BRINP3: variants seen among roughly 807,000 people sequenced by gnomAD.
BRINP3 encodes BMP/retinoic acid-inducible neural-specific protein 3.
Under a neutral mutation model 71.0 loss-of-function variants are expected in BRINP3, and 19 were observed. The ratio of observed to expected loss-of-function variants is 0.27; its 90% CI spans 0.19 to 0.39. The LOEUF is 0.39. Ranked by LOEUF, BRINP3 falls within the 10% of genes least tolerant of loss-of-function variation. BRINP3 has a pLI of 1.00. For missense variants in BRINP3, 959 were observed against 940.8 expected, an observed-to-expected ratio of 1.02 and a Z score of -0.25; for synonymous variants, 380 against 337.7, an observed-to-expected ratio of 1.13 and a Z score of -1.37.
intron 2 of BRINP3, among the ~76,000 whole-genome samples, chr1:190,397,190 T>C (rs191560021): frequency 2.0e-5 from 3 of 152,072 alleles, no homozygotes; most frequent in African/African-American, 7.2e-5. Context: ...CTTACCTACT[T>C]AGCAAGTGGG....
In BRINP3 at chr1:190,231,000, G is replaced by A. The variant is rs1224471002; in HGVS notation, c.724+3372C>T. 4.0e-5 allele frequency among the ~76,000 whole-genome samples: 6 copies of A among 151,438 alleles called. No individual in the cohort carries two copies. In the South Asian group the frequency reaches 1.2e-3, roughly 31 times the overall value. ...AATATTAATTATCATATAGTATAATGTATGGTATATATGATTTCTTGATAC... is the reference window on the plus strand; with the variant it reads ...AATATTAATTATCATATAGTATAATATATGGTATATATGATTTCTTGATAC... On this transcript the variant is annotated intron_variant, in intron 5 of 7. Coordinates refer to ENST00000367462, the MANE Select transcript of BRINP3 (RefSeq NM_199051.3).
At chr1:190,217,348 CAA>C (rs796107657) in intron 6 of BRINP3, among the ~76,000 whole-genome samples, 1 of 145,106 alleles carries the variant, frequency 6.9e-6, no homozygotes. Flanking sequence ...TGTTATGAGG[CAA>C]AAAAAAAATG....
intron 2 of BRINP3, among the ~76,000 whole-genome samples, chr1:190,356,618 T>G (rs1319607419): frequency 6.6e-6 from 1 of 152,004 alleles, no homozygotes; most frequent in Admixed American, 6.6e-5. Context: ...GGTTCAGACC[T>G]CCTGCCTCTC....
At chr1:190,193,755 C>A (rs1182294254) in intron 6 of BRINP3, among the ~76,000 whole-genome samples, 3 of 152,060 alleles carry the variant, frequency 2.0e-5, no homozygotes, top group Non-Finnish European at 4.4e-5. Context: ...CTTTGAGATG[C>A]AAATCTACTC....
chr1:190,157,300 CT>C (rs149856443), intron 7 of BRINP3, among the ~76,000 whole-genome samples: 1,609 of 152,052 alleles, frequency 0.011, 25 homozygotes, highest in African/African-American at 0.036. Context: ...GTGTGAAAAT[CT>C]TTTTGATTGG....
At chr1:190,347,938 A>C (rs1668130756) in intron 2 of BRINP3, among the ~76,000 whole-genome samples, 1 of 152,172 alleles carries the variant, frequency 6.6e-6, no homozygotes, top group Admixed American at 6.6e-5. Flanking sequence ...TGCATTGAAG[A>C]CTGTCTATAT....
At chr1:190,448,984 A>G (rs549504762) in intron 2 of BRINP3, among the ~76,000 whole-genome samples, 104 of 151,904 alleles carry the variant, frequency 6.8e-4, no homozygotes, top group African/African-American at 2.5e-3. Flanking sequence ...TTGAATTTCC[A>G]CTCTCTGCTT....
chr1:190,150,128 C>T (rs778468723), intron 7 of BRINP3, among the ~76,000 whole-genome samples: 13 of 151,962 alleles, frequency 8.6e-5, no homozygotes, highest in Non-Finnish European at 1.9e-4. Flanking sequence ...TTTATAAAAC[C>T]ATTTTCACTT....
At chr1:190,335,597 C>T (rs986852897) in intron 2 of BRINP3, among the ~76,000 whole-genome samples, 6 of 151,588 alleles carry the variant, frequency 4.0e-5, no homozygotes, top group African/African-American at 1.5e-4. Flanking sequence ...AAAATCTTAA[C>T]CCCAAATGGA....
chr1:190,233,618 A>C (rs1475013562), intron 5 of BRINP3, among the ~76,000 whole-genome samples: 1 of 152,224 alleles, frequency 6.6e-6, no homozygotes, highest in East Asian at 1.9e-4. Context: ...ATACTAGAGA[A>C]TAACAACTCA....
At chr1:190,177,944 A>G (rs534677265) in intron 6 of BRINP3, among the ~76,000 whole-genome samples, 1 of 152,324 alleles carries the variant, frequency 6.6e-6, no homozygotes, top group East Asian at 1.9e-4. Context: ...ACAATAGAGT[A>G]TAACAATTAT....
intron 2 of BRINP3, among the ~76,000 whole-genome samples, chr1:190,339,624 C>G (rs1667522383): frequency 6.6e-6 from 1 of 151,938 alleles, no homozygotes; most frequent in African/African-American, 2.4e-5. Flanking sequence ...CAGAGTGGCT[C>G]ATACAATGTT....
intron 2 of BRINP3, among the ~76,000 whole-genome samples, chr1:190,286,837 C>T (rs536871490): frequency 1.3e-5 from 2 of 152,182 alleles, no homozygotes; most frequent in African/African-American, 4.8e-5. Flanking sequence ...TCTGTAAAAT[C>T]ATATGGATCT....
intron 2 of BRINP3, among the ~76,000 whole-genome samples, chr1:190,447,118 T>A (rs576362561): frequency 4.0e-5 from 6 of 151,866 alleles, no homozygotes; most frequent in African/African-American, 1.2e-4. Context: ...TTCTTGTTTT[T>A]ATTTGTGAAT....
intron 1 of BRINP3, among the ~76,000 whole-genome samples, chr1:190,457,298 G>A (rs1676060545): frequency 6.6e-6 from 1 of 152,000 alleles, no homozygotes; most frequent in African/African-American, 2.4e-5. Context: ...ACAAAAATTA[G>A]CCAGGCAGGG....
At chr1:190,174,184 T>C (rs1652281038) in intron 6 of BRINP3, among the ~76,000 whole-genome samples, 1 of 152,144 alleles carries the variant, frequency 6.6e-6, no homozygotes, top group Non-Finnish European at 1.5e-5. Flanking sequence ...TCCTATGAAG[T>C]AAATAAGAGT....
intron 2 of BRINP3, among the ~76,000 whole-genome samples, chr1:190,330,248 C>G (rs1666877712): frequency 6.6e-6 from 1 of 151,890 alleles, no homozygotes; most frequent in South Asian, 2.1e-4. Context: ...CGACAAAGGC[C>G]TAATAGCTAG....
intron 6 of BRINP3, among the ~76,000 whole-genome samples, chr1:190,164,632 C>T (rs1162149076): frequency 6.6e-6 from 1 of 151,944 alleles, no homozygotes; most frequent in Non-Finnish European, 1.5e-5. Context: ...ACTCTATTGC[C>T]CAGGCTGAAG....
intron 2 of BRINP3, among the ~76,000 whole-genome samples, chr1:190,442,325 A>C (rs1302479262): frequency 6.6e-6 from 1 of 152,172 alleles, no homozygotes; most frequent in Non-Finnish European, 1.5e-5. Context: ...CCGTCAGCAA[A>C]TAAGGCCACA....
Sources: allele counts gnomAD v4.1 joint callset (sites outside exome capture counted in the v4.1 genomes callset), GRCh38; gene constraint gnomAD v4.1.1; transcripts MANE v1.5; gene names NCBI Gene and HGNC (gene_info 2026-07-23, HGNC 2026-07-21).